Variants in SHANK2 observed in about 807,000 individuals in gnomAD.
SHANK2 encodes the protein SH3 and multiple ankyrin repeat domains 2.
Under a neutral mutation model 133.7 loss-of-function variants are expected in SHANK2, and 43 were observed. The ratio of observed to expected loss-of-function variants is 0.32; its 90% confidence interval spans 0.25 to 0.41. SHANK2 has a LOEUF of 0.41. Among genes scored for constraint, SHANK2 ranks in the 10% least tolerant of loss-of-function variants. The pLI is 1.00. For synonymous variants in SHANK2, 1,017 were observed against 952.8 expected (o/e 1.07, Z -1.24); for missense variants, 1,994 against 2,235.8 (o/e 0.89, Z 2.18).
At chr11:70,846,699 T>A (rs565857752) in intron 11 of SHANK2, among the ~76,000 whole-genome samples, 22 of 152,158 alleles carry the variant, frequency 1.4e-4, no homozygotes, top group Non-Finnish European at 3.1e-4. Flanking sequence ...ATCATCCCCA[T>A]GACACAGATA....
chr11:71,190,644 A>G (rs1953773973), intron 2 of SHANK2, among the ~76,000 whole-genome samples: 2 of 152,164 alleles, frequency 1.3e-5, no homozygotes, highest in Non-Finnish European at 2.9e-5. Context: ...CTGACAACGT[A>G]TGTGCAGAAG....
chr11:70,718,698 C>CTTTTTTTTT (rs1348392187), intron 14 of SHANK2, among the ~76,000 whole-genome samples: 3 of 80,928 alleles, frequency 3.7e-5, no homozygotes, highest in African/African-American at 1.9e-4. Context: ...AGAGCTCATT[C>CTTTTTTTTT]TCTTTTTTTT....
At chr11:70,690,740 G>A (rs1945272645) in intron 15 of SHANK2, among the ~76,000 whole-genome samples, 1 of 149,272 alleles carries the variant, frequency 6.7e-6, no homozygotes, top group Non-Finnish European at 1.5e-5. Context: ...TCGAGTGATA[G>A]TGTCTAAAAT....
intron 14 of SHANK2, among the ~76,000 whole-genome samples, chr11:70,738,825 C>T (rs1320754757): frequency 6.6e-6 from 1 of 152,228 alleles, no homozygotes; most frequent in Non-Finnish European, 1.5e-5. Flanking sequence ...AGTAAGCAAA[C>T]CACCTCACGG....
rs184492063 is a variant in SHANK2 at position 71,117,124 on chromosome 11, A to C, written c.411+1705T>G. Reference sequence around the variant, plus strand: ...AACCTCCACCTCCAGGGTTCAAGCAATTCTCCTGCCTCAGCCCCCCGAGTA... The same window carrying C: ...AACCTCCACCTCCAGGGTTCAAGCACTTCTCCTGCCTCAGCCCCCCGAGTA... On this transcript the variant is annotated intron_variant, in intron 4 of 25. Coordinates refer to ENST00000601538, the MANE Select transcript of SHANK2 (RefSeq NM_012309.5). Among the ~76,000 whole-genome samples, 2 of 152,248 alleles carry C rather than the reference A, an allele frequency of 1.3e-5. 1 individual carries two copies. The highest frequency in any genetic ancestry group is 3.9e-4 in the East Asian group (2 of 5,170).
In SHANK2 at chr11:71,238,851, G is replaced by A. The variant is rs532107987; in HGVS notation, c.-113+13574C>T. On this transcript the variant is annotated intron_variant, in intron 1 of 25. Transcript: ENST00000601538. ...CCACAGAGGACTCTCCCCAGAAGAGGAGCTGTCCAGACACACAGTCACAGG... is the reference window on the plus strand; with the variant it reads ...CCACAGAGGACTCTCCCCAGAAGAGAAGCTGTCCAGACACACAGTCACAGG... Among the ~76,000 whole-genome samples the A allele has an allele frequency of 9.3e-4, 142 of 152,318 alleles. 1 individual carries two copies. The highest frequency in any genetic ancestry group is 3.3e-3 in the African/African-American group (139 of 41,564).
chr11:70,824,333 T>C (rs1462562525), intron 11 of SHANK2, among the ~76,000 whole-genome samples: 1 of 151,752 alleles, frequency 6.6e-6, no homozygotes, highest in Non-Finnish European at 1.5e-5. Flanking sequence ...AACCTGGAGG[T>C]GGTACATTGG....
intron 9 of SHANK2, among the ~76,000 whole-genome samples, chr11:71,069,017 C>A (rs1172628559): frequency 6.6e-6 from 1 of 151,486 alleles, no homozygotes; most frequent in Non-Finnish European, 1.5e-5. Flanking sequence ...CCATCATCAC[C>A]ATCACTGTCG....
intron 3 of SHANK2, among the ~76,000 whole-genome samples, chr11:71,136,469 T>C (rs1590946685): frequency 1.3e-5 from 2 of 152,186 alleles, no homozygotes; most frequent in East Asian, 3.8e-4. Flanking sequence ...CGTGGAATGA[T>C]GGACACAGGA....
intron 17 of SHANK2, among the ~76,000 whole-genome samples, chr11:70,580,997 C>G (rs1035963488): frequency 6.6e-6 from 1 of 152,182 alleles, no homozygotes; most frequent in African/African-American, 2.4e-5. Flanking sequence ...GGCTCTTCCC[C>G]GTCATCAGCA....
chr11:70,568,143 A>G (rs550794122), intron 17 of SHANK2, among the ~76,000 whole-genome samples: 11 of 152,312 alleles, frequency 7.2e-5, no homozygotes, highest in African/African-American at 2.6e-4. Flanking sequence ...GTCAGGGCAA[A>G]GCTTCCAACA....
intron 14 of SHANK2, among the ~76,000 whole-genome samples, chr11:70,780,010 TA>T (rs1555044798): frequency 6.6e-6 from 1 of 152,150 alleles, no homozygotes; most frequent in East Asian, 1.9e-4. Context: ...CTTGGACCTA[TA>T]AGGACATAAG....
At chr11:70,923,856 C>A (rs1160525342) in intron 10 of SHANK2, among the ~76,000 whole-genome samples, 1 of 152,192 alleles carries the variant, frequency 6.6e-6, no homozygotes, top group African/African-American at 2.4e-5. Context: ...CCTGGCCAAG[C>A]ATCAATGTCT....
At chr11:70,588,054 G>A (rs2060276876) in intron 17 of SHANK2, among the ~76,000 whole-genome samples, 1 of 152,184 alleles carries the variant, frequency 6.6e-6, no homozygotes, top group African/African-American at 2.4e-5. Flanking sequence ...GCCATGAACT[G>A]TACCCATATA....
chr11:71,169,822 G>C lies in SHANK2; in HGVS notation c.-12-22484C>G, dbSNP rs150818841. On this transcript the variant is annotated intron_variant, in intron 2 of 25. Transcript: ENST00000601538. Reference sequence around the variant, plus strand: ...CTGATTTTTGCATATCTCAGCGGTAGAACTGTGATTTGTTTTATATTCATA... The same window carrying C: ...CTGATTTTTGCATATCTCAGCGGTACAACTGTGATTTGTTTTATATTCATA... Among the ~76,000 whole-genome samples, 6 of 150,718 alleles carry C rather than the reference G, an allele frequency of 4.0e-5. 1 individual carries two copies. The East Asian group carries it at 1.2e-3, about 29-fold the overall frequency.
intron 6 of SHANK2, among the ~76,000 whole-genome samples, chr11:71,103,176 G>A (rs1264246492): frequency 7.2e-5 from 11 of 152,204 alleles, no homozygotes; most frequent in Non-Finnish European, 1.6e-4. Context: ...ATCAGCCCTA[G>A]CGGCCACCCA....
At chr11:70,833,283 C>T (rs547725653) in intron 11 of SHANK2, among the ~76,000 whole-genome samples, 23 of 152,372 alleles carry the variant, frequency 1.5e-4, no homozygotes, top group African/African-American at 5.0e-4. Context: ...CTGGCCACCC[C>T]GGCTGGCCGC....
At chr11:70,646,670 T>A (rs1214209472) in intron 17 of SHANK2, among the ~76,000 whole-genome samples, 1 of 152,210 alleles carries the variant, frequency 6.6e-6, no homozygotes, top group Non-Finnish European at 1.5e-5. Flanking sequence ...ACTTGGTAGA[T>A]GTGTGTAACC....
chr11:71,247,106 G>T (rs1332729968), intron 1 of SHANK2, among the ~76,000 whole-genome samples: 1 of 152,128 alleles, frequency 6.6e-6, no homozygotes, highest in African/African-American at 2.4e-5. Flanking sequence ...ATTACATTAG[G>T]ATAAAATTCT....
Sources: gnomAD v4.1 joint callset for allele counts (sites outside exome capture counted in the v4.1 genomes callset) on GRCh38, gnomAD v4.1.1 for gene constraint, MANE v1.5 for transcripts, NCBI Gene and HGNC (gene_info 2026-07-23, HGNC 2026-07-21) for gene names.